ZNF385D: variants seen among roughly 807,000 people sequenced by gnomAD.
ZNF385D encodes zinc finger protein 385D.
ZNF385D carries 15 observed loss-of-function variants against 35.8 expected under a neutral mutation model. The ratio of observed to expected loss-of-function variants is 0.42; its 90% CI spans 0.28 to 0.64. ZNF385D has a LOEUF of 0.64. Among genes scored for constraint, ZNF385D ranks in the 30% least tolerant of loss-of-function variants. The pLI is 0.23. For missense variants in ZNF385D, 474 were observed against 494.6 expected, an observed-to-expected ratio of 0.96 and a Z score of 0.39; for synonymous variants, 212 against 186.8, an observed-to-expected ratio of 1.13 and a Z score of -1.10.
chr3:21,721,505 A>G (rs2068539832), intron 1 of ZNF385D, among the ~76,000 whole-genome samples: 1 of 152,182 alleles, frequency 6.6e-6, no homozygotes, highest in Non-Finnish European at 1.5e-5. Context: ...AATATAAAAA[A>G]GTAACTTATT....
intron 2 of ZNF385D, among the ~76,000 whole-genome samples, chr3:22,207,302 C>A (rs976337551): frequency 8.6e-5 from 13 of 151,804 alleles, no homozygotes; most frequent in African/African-American, 3.1e-4. Flanking sequence ...TATAGTGAAC[C>A]ATTTTCAACA....
intron 7 of ZNF385D, among the ~76,000 whole-genome samples, chr3:21,422,021 A>G (rs1700762279): frequency 6.6e-6 from 1 of 152,218 alleles, no homozygotes; most frequent in African/African-American, 2.4e-5. Context: ...TTCTTTATGC[A>G]AATGGTAACC....
At chr3:22,117,871 G>A (rs1158502911) in intron 3 of ZNF385D, among the ~76,000 whole-genome samples, 1 of 151,938 alleles carries the variant, frequency 6.6e-6, no homozygotes, top group Non-Finnish European at 1.5e-5. Context: ...TCATTTAAAG[G>A]ATTTGTGGAT....
At chr3:22,162,977 TAG>T (rs1390670671) in intron 3 of ZNF385D, among the ~76,000 whole-genome samples, 5 of 152,024 alleles carry the variant, frequency 3.3e-5, no homozygotes, top group African/African-American at 1.2e-4. Context: ...CAGGACATAG[TAG>T]AGAGTGAGGT....
chr3:22,156,385 C>G (rs1050542515), intron 3 of ZNF385D, among the ~76,000 whole-genome samples: 3 of 140,178 alleles, frequency 2.1e-5, no homozygotes, highest in Admixed American at 2.1e-4. Flanking sequence ...GTGTACACAG[C>G]CCCCCTGCCC....
chr3:22,080,942 T>C (rs1700720471), intron 3 of ZNF385D, among the ~76,000 whole-genome samples: 1 of 152,168 alleles, frequency 6.6e-6, no homozygotes, highest in Non-Finnish European at 1.5e-5. Context: ...CTTCCCAACA[T>C]GCAGAACTGT....
At chr3:21,889,851 C>T (rs1246073380) in intron 3 of ZNF385D, among the ~76,000 whole-genome samples, 1 of 152,100 alleles carries the variant, frequency 6.6e-6, no homozygotes, top group Non-Finnish European at 1.5e-5. Flanking sequence ...CTGAAGGTGC[C>T]ACAGAAGAGT....
intron 3 of ZNF385D, among the ~76,000 whole-genome samples, chr3:21,779,627 G>T (rs557115433): frequency 6.6e-6 from 1 of 152,090 alleles, no homozygotes; most frequent in South Asian, 2.1e-4. Context: ...AGAAAAAGAA[G>T]GGGGTAAGAA....
chr3:21,789,419 T>C (rs1463021560), intron 3 of ZNF385D, among the ~76,000 whole-genome samples: 6 of 152,214 alleles, frequency 3.9e-5, no homozygotes, highest in African/African-American at 7.2e-5. Context: ...GGGCAGAATG[T>C]TGGTTTTGTT....
At chr3:21,903,500 A>G (rs890209866) in intron 3 of ZNF385D, among the ~76,000 whole-genome samples, 4 of 152,218 alleles carry the variant, frequency 2.6e-5, no homozygotes, top group African/African-American at 7.2e-5. Context: ...CCAAGTATCT[A>G]AACAAGTATT....
chr3:21,714,661 C>A (rs1043343790), intron 1 of ZNF385D, among the ~76,000 whole-genome samples: 8 of 152,154 alleles, frequency 5.3e-5, no homozygotes, highest in Admixed American at 4.6e-4. Context: ...TATTATTTCT[C>A]CAATCTTCAA....
chr3:22,085,981 G>A (rs1399489240), intron 3 of ZNF385D, among the ~76,000 whole-genome samples: 1 of 152,118 alleles, frequency 6.6e-6, no homozygotes, highest in African/African-American at 2.4e-5. Context: ...ATGCAGAAAA[G>A]GCCTTCGACA....
At chr3:22,168,048 G>C (rs867400027) in intron 3 of ZNF385D, among the ~76,000 whole-genome samples, 3 of 152,136 alleles carry the variant, frequency 2.0e-5, no homozygotes, top group Non-Finnish European at 4.4e-5. Context: ...TATAGGAAGA[G>C]ATTGACATTC....
chr3:21,892,315 C>A (rs1698910476), intron 3 of ZNF385D, among the ~76,000 whole-genome samples: 2 of 152,268 alleles, frequency 1.3e-5, no homozygotes, highest in East Asian at 1.9e-4. Context: ...TGGCTCAGCA[C>A]AGAAACCTAG....
chr3:21,567,072 A>G (rs1204507370), intron 2 of ZNF385D, among the ~76,000 whole-genome samples: 1 of 152,122 alleles, frequency 6.6e-6, no homozygotes, highest in Non-Finnish European at 1.5e-5. Context: ...GTAAGGATGC[A>G]CTACATGTAT....
At chr3:22,026,437 A>T (rs1036851495) in intron 3 of ZNF385D, among the ~76,000 whole-genome samples, 1 of 152,180 alleles carries the variant, frequency 6.6e-6, no homozygotes, top group Non-Finnish European at 1.5e-5. Context: ...CATTTCAGGG[A>T]CTACTGGACG....
At chr3:21,737,922 A>G (rs928289821) in intron 1 of ZNF385D, among the ~76,000 whole-genome samples, 1 of 152,232 alleles carries the variant, frequency 6.6e-6, no homozygotes, top group African/African-American at 2.4e-5. Flanking sequence ...CCTAGCTCAC[A>G]GCACTCACGT....
intron 1 of ZNF385D, among the ~76,000 whole-genome samples, chr3:21,719,395 G>A (rs899032934): frequency 6.6e-6 from 1 of 152,208 alleles, no homozygotes; most frequent in East Asian, 1.9e-4. Flanking sequence ...CCTGGTGACT[G>A]TAGAGCCAAC....
chr3:21,867,004 C>G (rs1161687643), intron 3 of ZNF385D, among the ~76,000 whole-genome samples: 1 of 152,070 alleles, frequency 6.6e-6, no homozygotes, highest in Non-Finnish European at 1.5e-5. Context: ...ACACCTGACA[C>G]TTGGTCACTT....
Sources: gnomAD v4.1 joint callset for allele counts (sites outside exome capture counted in the v4.1 genomes callset) on GRCh38, gnomAD v4.1.1 for gene constraint, MANE v1.5 for transcripts, NCBI Gene and HGNC (gene_info 2026-07-23, HGNC 2026-07-21) for gene names.